RUFY2: variants seen among roughly 807,000 people sequenced by gnomAD.
RUFY2 encodes the protein RUN and FYVE domain-containing protein 2.
Under a neutral mutation model 94.4 loss-of-function variants are expected in RUFY2, and 49 were observed. That is an observed-to-expected ratio of 0.52 (90% CI 0.41 to 0.66). The LOEUF is 0.66. Among genes scored for constraint, RUFY2 ranks in the 30% least tolerant of loss-of-function variants. The probability of loss-of-function intolerance (pLI) is 0.00; values close to 1 mark genes in which losing one functional copy is unlikely to be tolerated. For missense variants in RUFY2, 541 were observed against 692.8 expected (o/e 0.78, Z 2.46); for synonymous variants, 255 against 235.7 (o/e 1.08, Z -0.75).
At chr10:68,341,719 A>G (rs1201982307), downstream of RUFY2, 2 of 1,586,604 alleles carry the variant, frequency 1.3e-6, no homozygotes, top group East Asian at 4.5e-5. Context: ...TTAGCTGCTT[A>G]TCGATGAGTC....
chr10:68,355,319 A>G lies in RUFY2; in HGVS notation c.1599+34T>C, dbSNP rs757956585. 9 of 1,532,790 alleles carry G rather than the reference A, an allele frequency of 5.9e-6. No individual in the cohort carries two copies. In the South Asian group the frequency reaches 7.9e-5, roughly 13 times the overall value. The allele number at this position is 1,532,790 out of a possible 1,614,324, so 94.9% of individuals were successfully genotyped here. A position where few individuals can be genotyped will look rare whatever the true frequency, so the allele number is the denominator to read the frequency against. On this transcript the variant is annotated intron_variant, in intron 16 of 17. Coordinates refer to ENST00000602465, the MANE Select transcript of RUFY2 (RefSeq NM_001330103.2). ...ATTACCTTCCATTGGAGACTTTCAC[A>G]TACCTTCCCACTTTAGGAAAACGTT...
intron 15 of RUFY2, among the ~76,000 whole-genome samples, chr10:68,361,611 G>A (rs2047468337): frequency 1.3e-5 from 2 of 152,156 alleles, no homozygotes; most frequent in South Asian, 4.1e-4. Flanking sequence ...ATTGTTCTTT[G>A]AAGAGCTGTA....
At chr10:68,368,675 A>G (rs1036740553) in intron 13 of RUFY2, among the ~76,000 whole-genome samples, 23 of 152,238 alleles carry the variant, frequency 1.5e-4, no homozygotes, top group African/African-American at 5.1e-4. Context: ...AACAACAACA[A>G]GAGAAGACTC....
Position 68,384,136 on chromosome 10 carries a change from T to C in RUFY2, c.737A>G (p.Asn246Ser). ...TTCTTCCTGGAGTTTAATGATGTTA[T>C]TCTTTGCTATTGCTAACTAAAAATT... ...KLIEELAIAKNNIIKLQEENH... is the reference protein window; with the variant it reads ...KLIEELAIAKSNIIKLQEENH... Residue 246 changes from asparagine (N) to serine (S), a missense_variant, in exon 9 of 18, where the codon AAT becomes AGT. Coordinates refer to ENST00000602465, the MANE Select transcript of RUFY2 (RefSeq NM_001330103.2). The C allele has an allele frequency of 6.2e-7, 1 of 1,609,016 alleles. No individual in the cohort carries two copies. The highest frequency in any genetic ancestry group is 1.1e-5 in the South Asian group (1 of 90,334).
chr10:68,404,628 C>T (rs764866467), intron 2 of RUFY2, 43 bp downstream of exon 2: 33 of 1,419,384 alleles, frequency 2.3e-5, no homozygotes, highest in African/African-American at 4.4e-5. Flanking sequence ...ACTTGAAAAA[C>T]GGAAATTCTA....
chr10:68,367,798 C>T (rs1312514023), intron 13 of RUFY2, among the ~76,000 whole-genome samples: 3 of 139,308 alleles, frequency 2.2e-5, no homozygotes, highest in Non-Finnish European at 4.7e-5. Flanking sequence ...CAGGGTCTCA[C>T]TATGTTGCCC....
intron 1 of RUFY2, chr10:68,406,971 C>G (rs1352982628): frequency 6.5e-7 from 1 of 1,536,738 alleles, no homozygotes; most frequent in Admixed American, 2.0e-5. Context: ...CCTCAGAACC[C>G]GGGCGGGAAC....
Position 68,394,090 on chromosome 10 carries a change from A to T in RUFY2, c.569T>A (p.Ile190Asn), listed in dbSNP as rs773655729. The change falls in exon 6 of 18, where the codon ATT becomes AAT. Residue 190 changes from isoleucine to asparagine, a missense_variant. Ile to Asn is a moderately radical substitution (Grantham distance 149, BLOSUM62 -3). Transcript: ENST00000602465. ...FSMYLKNEED[I>N]GNKERNVQIA... is the part of the protein sequence containing the mutation. ...AAAATCATACCTTTCTTTATTTCCA[A>T]TATCTTCTTCATTCTTTAAATACAT... The T allele has an allele frequency of 1.3e-6, 2 of 1,509,492 alleles. No homozygotes were observed. The highest frequency in any genetic ancestry group is 1.8e-6 in the Non-Finnish European group (2 of 1,122,392). The allele number at this position is 1,509,492 out of a possible 1,614,324, so 93.5% of individuals were successfully genotyped here.
At chr10:68,377,138 C>A in intron 12 of RUFY2, 166 bp from the exon 13 acceptor site, 3 of 1,470,440 alleles carry the variant, frequency 2.0e-6, no homozygotes, top group Non-Finnish European at 2.7e-6. Context: ...CACACAATGT[C>A]TAGAAGTTGT....
At position 68,370,607 on chromosome 10, in the gene RUFY2, ATGCCAC is replaced by A. The variant is rs753268903; in HGVS notation, c.1325+6240_1325+6245del. On this transcript the variant is annotated intron_variant, in intron 13 of 17. Coordinates refer to ENST00000602465, the MANE Select transcript of RUFY2 (RefSeq NM_001330103.2). ...GTTCACAGTGAGCCAGGTAGGGCAC[ATGCCAC>A]TGCCCTACAGCCTGGCCGACAGCAA... Among the ~76,000 whole-genome samples the A allele has an allele frequency of 5.9e-5, 9 of 152,092 alleles. No individual in the cohort carries two copies. The South Asian group carries it at 8.3e-4, about 14-fold the overall frequency.
chr10:68,384,247 A>G (rs766212633), intron 8 of RUFY2, 95 bp from the exon 9 acceptor site: 12 of 1,400,162 alleles, frequency 8.6e-6, no homozygotes, highest in Middle Eastern at 2.6e-4. Context: ...AGAAAATAAA[A>G]TCTCACAACT....
At chr10:68,400,543 G>A (rs1252662631) in intron 3 of RUFY2, among the ~76,000 whole-genome samples, 1 of 151,136 alleles carries the variant, frequency 6.6e-6, no homozygotes, top group Non-Finnish European at 1.5e-5. Context: ...AGGCATGGTG[G>A]CATGCACCTG....
intron 12 of RUFY2, 147 bp downstream of exon 12, chr10:68,379,277 G>C (rs41278510): frequency 0.014 from 8,246 of 580,488 alleles, 88 homozygotes; most frequent in Middle Eastern, 0.024. Context: ...AACAACCAAA[G>C]CAAAAACGCA....
At chr10:68,400,697 A>G (rs2050763701) in intron 3 of RUFY2, among the ~76,000 whole-genome samples, 1 of 147,712 alleles carries the variant, frequency 6.8e-6, no homozygotes, top group African/African-American at 2.5e-5. Context: ...AGAAAATAAA[A>G]ATTAAAAAGA....
chr10:68,381,816 C>A (rs2049079971), intron 10 of RUFY2, among the ~76,000 whole-genome samples: 2 of 152,176 alleles, frequency 1.3e-5, no homozygotes, highest in Non-Finnish European at 2.9e-5. Flanking sequence ...CCACTGCACT[C>A]CAGCGGGGGC....
At chr10:68,384,626 T>C (rs2049343369) in intron 8 of RUFY2, among the ~76,000 whole-genome samples, 1 of 152,178 alleles carries the variant, frequency 6.6e-6, no homozygotes. Context: ...CCATGAAGTC[T>C]AGACATGTAA....
At position 68,393,693 on chromosome 10, in the gene RUFY2, C is replaced by G. The variant is rs2050169013; in HGVS notation, c.584+382G>C. On this transcript the variant is annotated intron_variant, in intron 6 of 17. Transcript: ENST00000602465. The stretch of plus-strand genomic sequence containing the variant: ...GCAGTGAGCCAAGATAGAACCACTG[C>G]ACTCCAGCCTGGGCAACAGAGCAAG... 2.7e-5 allele frequency: 6 copies of G among 222,674 alleles called. No individual in the cohort carries two copies. In the South Asian group the frequency reaches 3.8e-4, roughly 14 times the overall value. The allele number at this position is 222,674 out of a possible 1,614,324, so 13.8% of individuals were successfully genotyped here. A position where few individuals can be genotyped will look rare whatever the true frequency, so the allele number is the denominator to read the frequency against.
chr10:68,341,460 G>A (rs1212427978), downstream of RUFY2: 1 of 992,222 alleles, frequency 1.0e-6, no homozygotes, highest in South Asian at 1.5e-5. Flanking sequence ...ATATATCGCT[G>A]TACTAGTAAT....
chr10:68,401,327 C>A (rs1311456330), intron 3 of RUFY2, among the ~76,000 whole-genome samples: 1 of 152,162 alleles, frequency 6.6e-6, no homozygotes, highest in East Asian at 1.9e-4. Flanking sequence ...ATTTAACACT[C>A]AGAAAACAAA....
Sources: allele counts gnomAD v4.1 joint callset (sites outside exome capture counted in the v4.1 genomes callset), GRCh38; gene constraint gnomAD v4.1.1; transcripts MANE v1.5; gene names NCBI Gene and HGNC (gene_info 2026-07-23, HGNC 2026-07-21).